Variants in XKR6 observed in about 807,000 individuals in gnomAD.
The protein encoded by XKR6 is XK-related protein 6.
XKR6 carries 22 observed loss-of-function variants against 56.7 expected under a neutral mutation model. That is an observed-to-expected ratio of 0.39 (90% CI 0.28 to 0.55). XKR6 has a LOEUF of 0.55. XKR6 is among the 20% of genes least tolerant of loss of function. The pLI is 0.66. For missense variants in XKR6, 852 were observed against 889.0 expected (o/e 0.96, Z 0.53); for synonymous variants, 524 against 387.8 (o/e 1.35, Z -4.13).
intron 1 of XKR6, among the ~76,000 whole-genome samples, chr8:11,085,871 G>T (rs1403703943): frequency 1.3e-5 from 2 of 152,192 alleles, no homozygotes; most frequent in East Asian, 3.9e-4. Flanking sequence ...CACTCAGGGA[G>T]TCTGAGAATG....
At chr8:10,987,348 T>A (rs146001348) in intron 1 of XKR6, among the ~76,000 whole-genome samples, 213 of 152,334 alleles carry the variant, frequency 1.4e-3, no homozygotes, top group African/African-American at 4.9e-3. Flanking sequence ...AGAATCATTA[T>A]CAATTTACAG....
At chr8:11,098,546 T>A (rs1005959121) in intron 1 of XKR6, among the ~76,000 whole-genome samples, 1 of 152,166 alleles carries the variant, frequency 6.6e-6, no homozygotes, top group Non-Finnish European at 1.5e-5. Flanking sequence ...TCTTGTCTCA[T>A]CAGAACTATG....
intron 1 of XKR6, among the ~76,000 whole-genome samples, chr8:10,933,141 T>C (rs1269134865): frequency 6.8e-6 from 1 of 146,938 alleles, no homozygotes; most frequent in Non-Finnish European, 1.5e-5. Flanking sequence ...ATTTCTCTGA[T>C]GGCCAGTGAT....
At chr8:11,079,584 G>T (rs55676920) in intron 1 of XKR6, among the ~76,000 whole-genome samples, 33,642 of 152,158 alleles carry the variant, frequency 0.22, 4,128 homozygotes, top group African/African-American at 0.32. Flanking sequence ...ATCAGGAAAA[G>T]GGGCAAGGAA....
Position 11,199,216 on chromosome 8 carries a change from A to G in XKR6, c.764+1360T>C, listed in dbSNP as rs775817255. On this transcript the variant is annotated intron_variant, in intron 1 of 2. Coordinates refer to ENST00000416569, the MANE Select transcript of XKR6 (RefSeq NM_173683.4). ...AACAACTCTGGGTGGTGCAGGGCCT[A>G]CGGAACCACCCTCACTTCCCCTAGC... Among the ~76,000 whole-genome samples, 78 of 152,242 alleles carry G rather than the reference A, an allele frequency of 5.1e-4. 1 individual carries two copies. Among genetic ancestry groups the G allele is most frequent in the Non-Finnish European group, 4.3e-4 (29 of 68,046 alleles).
chr8:11,177,778 C>G (rs1802735410), intron 1 of XKR6, among the ~76,000 whole-genome samples: 1 of 152,236 alleles, frequency 6.6e-6, no homozygotes, highest in African/African-American at 2.4e-5. Context: ...CTCAGGGGAG[C>G]AGTGCCCTGC....
intron 1 of XKR6, among the ~76,000 whole-genome samples, chr8:10,965,566 G>T (rs1043435991): frequency 6.6e-6 from 1 of 152,208 alleles, no homozygotes; most frequent in East Asian, 1.9e-4. Context: ...CACGCAGGGG[G>T]CCTGTGGGAC....
At chr8:11,015,596 G>C (rs920159430) in intron 1 of XKR6, among the ~76,000 whole-genome samples, 6 of 152,176 alleles carry the variant, frequency 3.9e-5, no homozygotes, top group Admixed American at 3.3e-4. Flanking sequence ...TGAAGCCAGG[G>C]GGCTCTGGGC....
At chr8:10,926,848 C>T (rs74525991) in intron 1 of XKR6, among the ~76,000 whole-genome samples, 4,751 of 152,308 alleles carry the variant, frequency 0.031, 113 homozygotes, top group Non-Finnish European at 0.049. Flanking sequence ...AGGGAAGAGG[C>T]TCAGGAAGAG....
chr8:11,147,742 G>C (rs1005840819), intron 1 of XKR6, among the ~76,000 whole-genome samples: 10 of 151,798 alleles, frequency 6.6e-5, no homozygotes, highest in African/African-American at 2.4e-4. Context: ...AGCAAATTAA[G>C]GAGATGCCAT....
chr8:11,114,393 C>G (rs1799058453), intron 1 of XKR6, among the ~76,000 whole-genome samples: 1 of 152,172 alleles, frequency 6.6e-6, no homozygotes, highest in Non-Finnish European at 1.5e-5. Flanking sequence ...CAGAGTCTCA[C>G]TCTGTCACCC....
intron 1 of XKR6, among the ~76,000 whole-genome samples, chr8:10,957,783 G>A (rs1801938773): frequency 1.3e-5 from 2 of 152,092 alleles, no homozygotes; most frequent in South Asian, 2.1e-4. Flanking sequence ...CAGAACAAGC[G>A]AAACTGGGGA....
At chr8:11,079,024 C>T (rs997325583) in intron 1 of XKR6, among the ~76,000 whole-genome samples, 1 of 152,232 alleles carries the variant, frequency 6.6e-6, no homozygotes, top group East Asian at 1.9e-4. Flanking sequence ...AGGAACAGGG[C>T]GCTGCAGGGC....
chr8:10,950,892 C>T (rs1261441917), intron 1 of XKR6, among the ~76,000 whole-genome samples: 1 of 152,172 alleles, frequency 6.6e-6, no homozygotes, highest in Non-Finnish European at 1.5e-5. Context: ...CAGGTACTGT[C>T]ACTACATTTT....
intron 1 of XKR6, among the ~76,000 whole-genome samples, chr8:11,030,958 A>G (rs772971282): frequency 2.6e-4 from 40 of 152,156 alleles, no homozygotes; most frequent in African/African-American, 9.7e-4. Context: ...AATATTAGAA[A>G]ACTGAGGCTC....
At chr8:11,069,338 C>A (rs961415504) in intron 1 of XKR6, among the ~76,000 whole-genome samples, 13 of 152,294 alleles carry the variant, frequency 8.5e-5, no homozygotes, top group African/African-American at 3.1e-4. Context: ...AAGCAGCCCC[C>A]CTGGTCCATC....
chr8:11,039,079 G>T (rs538104185), intron 1 of XKR6, among the ~76,000 whole-genome samples: 36 of 152,282 alleles, frequency 2.4e-4, no homozygotes, highest in African/African-American at 8.7e-4. Flanking sequence ...GAGAGCCAGG[G>T]AGACCTCAGG....
At chr8:11,111,155 A>G (rs1056256076) in intron 1 of XKR6, among the ~76,000 whole-genome samples, 1 of 151,812 alleles carries the variant, frequency 6.6e-6, no homozygotes, top group Non-Finnish European at 1.5e-5. Flanking sequence ...CGCCTGCCCA[A>G]CTTTCCATTT....
chr8:11,128,880 C>G (rs1453546158), intron 1 of XKR6: 1 of 456,790 alleles, frequency 2.2e-6, no homozygotes, highest in Non-Finnish European at 4.4e-6. Context: ...ACCATCATCT[C>G]TTGCCTTGGT....
Sources: allele counts gnomAD v4.1 joint callset (sites outside exome capture counted in the v4.1 genomes callset), GRCh38; gene constraint gnomAD v4.1.1; transcripts MANE v1.5; gene names NCBI Gene and HGNC (gene_info 2026-07-23, HGNC 2026-07-21).